CELF6: variants seen among roughly 807,000 people sequenced by gnomAD.
CELF6 encodes CUGBP Elav-like family member 6, also known as Bruno -like 6, RNA binding protein.
Under a neutral mutation model 53.1 loss-of-function variants are expected in CELF6, and 32 were observed. The ratio of observed to expected loss-of-function variants is 0.60; its 90% CI spans 0.46 to 0.81. The LOEUF is 0.81. Among genes scored for constraint, CELF6 ranks in the 30% least tolerant of loss-of-function variants. The pLI is 0.00. For synonymous variants in CELF6, 291 were observed against 288.8 expected, an observed-to-expected ratio of 1.01 and a Z score of -0.08; for missense variants, 539 against 669.5, an observed-to-expected ratio of 0.81 and a Z score of 2.15.
chr15:72,306,292 G>A (rs964044666), intron 2 of CELF6: 9 of 985,162 alleles, frequency 9.1e-6, no homozygotes, highest in South Asian at 4.7e-5. Flanking sequence ...CGGCCTTCCC[G>A]TTCATGGAGG....
At chr15:72,309,768 C>A (rs2088273237) in intron 2 of CELF6, among the ~76,000 whole-genome samples, 1 of 152,164 alleles carries the variant, frequency 6.6e-6, no homozygotes, top group African/African-American at 2.4e-5. Flanking sequence ...AATCAGGAGT[C>A]CCCCTTGAGG....
chr15:72,301,596 G>A (rs189895283), intron 3 of CELF6, among the ~76,000 whole-genome samples: 1 of 152,240 alleles, frequency 6.6e-6, no homozygotes, highest in East Asian at 1.9e-4. Context: ...ATCTGGTCAG[G>A]TGTGTGTGAC....
chr15:72,289,297 GA>G lies in CELF6; in HGVS notation c.881-11del, dbSNP rs1555468681. ...GGCGGGGAGTTGGCTGCTGATGGCG[GA>G]AAAGGTCTGAGAGTCAGGCCGCCAC... On this transcript the variant is annotated splice_polypyrimidine_tract_variant and intron_variant, in intron 7 of 12. Transcript: ENST00000287202. This position sits in a 1 kb window ranked among gnomAD's most constrained non-coding sequence, Gnocchi z 7.6. 9 of 1,560,088 alleles carry G rather than the reference GA, an allele frequency of 5.8e-6. No individual in the cohort carries two copies. The highest frequency in any genetic ancestry group is 3.8e-5 in the Admixed American group (2 of 52,314).
intron 11 of CELF6, among the ~76,000 whole-genome samples, chr15:72,287,919 A>C (rs1366067372): frequency 6.6e-6 from 1 of 151,900 alleles, no homozygotes; most frequent in Non-Finnish European, 1.5e-5. Flanking sequence ...TTCACTGCAA[A>C]CTTTCCCTCT....
In CELF6 at chr15:72,289,137, C is replaced by A. The variant is rs1309011120; in HGVS notation, c.1030+1G>T. The A allele has an allele frequency of 6.5e-7, 1 of 1,526,818 alleles. No individual in the cohort carries two copies. The highest frequency in any genetic ancestry group is 1.4e-5 in the African/African-American group (1 of 71,938). 94.6% of individuals were successfully genotyped at this position (1,526,818 alleles called of 1,614,324 possible). On this transcript the variant is annotated splice_donor_variant, in intron 8 of 12. Transcript: ENST00000287202. LOFTEE classifies it high-confidence loss of function. This position sits in a 1 kb window ranked among gnomAD's most constrained non-coding sequence, Gnocchi z 7.6. ...GGATTTGGGCGGAGCGGGGGGCCCACCTGGATAAGGGGAGAGCCCGTTATT... is the reference window on the plus strand; with the variant it reads ...GGATTTGGGCGGAGCGGGGGGCCCAACTGGATAAGGGGAGAGCCCGTTATT...
At chr15:72,295,596 G>A (rs1457998486) in intron 3 of CELF6, among the ~76,000 whole-genome samples, 4 of 151,710 alleles carry the variant, frequency 2.6e-5, no homozygotes, top group African/African-American at 9.7e-5. Flanking sequence ...GGGCGTGGTG[G>A]TGGGTGCCTG....
intron 2 of CELF6, among the ~76,000 whole-genome samples, chr15:72,310,782 G>C (rs1194760836): frequency 1.3e-5 from 2 of 151,950 alleles, no homozygotes; most frequent in African/African-American, 4.8e-5. Context: ...GAGCCACTAT[G>C]TCTGGCCCAG....
Position 72,288,959 on chromosome 15 carries a change from G to A in CELF6, c.1031-29C>T. 6.5e-7 allele frequency: 1 copy of A among 1,543,666 alleles called. No homozygotes were observed. The highest frequency in any genetic ancestry group is 1.2e-5 in the South Asian group (1 of 83,794). ...GGGAGAGAGGGGCGCGAGGCCCACA[G>A]TGAAGGCAAGCGGGCGAGCAGAGTG... On this transcript the variant is annotated intron_variant, in intron 8 of 12. Transcript: ENST00000287202. The surrounding 1 kb of genome is among the most constrained non-coding windows in gnomAD (Gnocchi z 4.6).
chr15:72,289,046 G>T lies in CELF6; in HGVS notation c.1030+92C>A. 1 of 1,243,874 alleles carries T rather than the reference G, an allele frequency of 8.0e-7. No individual in the cohort carries two copies. Among genetic ancestry groups the T allele is most frequent in the Non-Finnish European group, 1.1e-6 (1 of 898,550 alleles). The allele number at this position is 1,243,874 out of a possible 1,614,324, so 77.1% of individuals were successfully genotyped here. ...GCTGTGAGAGACAGCAGGGAAGGAG[G>T]GGGATCTCTTCCCAGGGAAGCCAGG... On this transcript the variant is annotated intron_variant, in intron 8 of 12. Transcript: ENST00000287202. This position sits in a 1 kb window ranked among gnomAD's most constrained non-coding sequence, Gnocchi z 7.6.
At chr15:72,317,800 C>T (rs534389558) in intron 1 of CELF6, among the ~76,000 whole-genome samples, 3 of 152,290 alleles carry the variant, frequency 2.0e-5, no homozygotes, top group East Asian at 3.9e-4. Context: ...ACGTCCAAAC[C>T]GGGCAGGTTG....
chr15:72,298,047 A>T (rs899302573), intron 3 of CELF6, among the ~76,000 whole-genome samples: 3 of 152,332 alleles, frequency 2.0e-5, no homozygotes, highest in African/African-American at 2.4e-5. Context: ...TCATCTAAGG[A>T]CCAATAACAG....
intron 3 of CELF6, among the ~76,000 whole-genome samples, chr15:72,295,763 A>T (rs1398610849): frequency 6.6e-6 from 1 of 151,938 alleles, no homozygotes; most frequent in Non-Finnish European, 1.5e-5. Flanking sequence ...ACACAAATAA[A>T]TGAAAAGACA....
At chr15:72,300,123 C>T (rs1371898851) in intron 3 of CELF6, among the ~76,000 whole-genome samples, 5 of 152,084 alleles carry the variant, frequency 3.3e-5, no homozygotes, top group East Asian at 3.9e-4. Context: ...GGGAAGGCAA[C>T]GTGGGAGGAT....
At chr15:72,296,213 A>G (rs2088075680) in intron 3 of CELF6, among the ~76,000 whole-genome samples, 1 of 152,222 alleles carries the variant, frequency 6.6e-6, no homozygotes, top group South Asian at 2.1e-4. Flanking sequence ...TTCACCATAT[A>G]CACAAGATTA....
At chr15:72,291,851 T>C (rs2088010443) in intron 3 of CELF6, among the ~76,000 whole-genome samples, 1 of 152,104 alleles carries the variant, frequency 6.6e-6, no homozygotes, top group South Asian at 2.1e-4. Context: ...CCGATGATCC[T>C]TGGAGAGGGG....
intron 3 of CELF6, among the ~76,000 whole-genome samples, chr15:72,301,840 C>T (rs1267168320): frequency 3.3e-5 from 5 of 151,764 alleles, no homozygotes; most frequent in African/African-American, 1.2e-4. Context: ...GGGTTCACGC[C>T]GTTCTCCCGT....
chr15:72,297,307 C>T (rs112637395), intron 3 of CELF6, among the ~76,000 whole-genome samples: 75 of 152,296 alleles, frequency 4.9e-4, no homozygotes, highest in Non-Finnish European at 7.1e-4. Flanking sequence ...ACCCCCCTGC[C>T]GCCCCTAACT....
intron 3 of CELF6, among the ~76,000 whole-genome samples, chr15:72,299,391 G>A (rs1385435584): frequency 2.9e-5 from 4 of 140,074 alleles, no homozygotes; most frequent in South Asian, 2.2e-4. Flanking sequence ...ATGGAATCTC[G>A]CTCTGTTGTT....
At chr15:72,314,589 GTTTT>G (rs984879836) in intron 2 of CELF6, among the ~76,000 whole-genome samples, 1 of 97,856 alleles carries the variant, frequency 1.0e-5, no homozygotes, top group Non-Finnish European at 1.9e-5. Context: ...AAAACCCAGT[GTTTT>G]TTTTTTTTTT....
Sources: allele counts gnomAD v4.1 joint callset (sites outside exome capture counted in the v4.1 genomes callset), GRCh38; gene constraint gnomAD v4.1.1; non-coding constraint Gnocchi (gnomAD v3.1); transcripts MANE v1.5; gene names NCBI Gene and HGNC (gene_info 2026-07-23, HGNC 2026-07-21).